PRTFDC1: variants seen among roughly 807,000 people sequenced by gnomAD.
PRTFDC1 encodes phosphoribosyl transferase domain containing 1.
A neutral mutation model predicts 34.6 loss-of-function variants in PRTFDC1; 38 were observed. The observed-to-expected ratio is 1.10, with a 90% CI of 0.85 to 1.44. The LOEUF is 1.44. Among genes scored for constraint, PRTFDC1 ranks in the 40% most tolerant of loss-of-function variants. The pLI, the probability that PRTFDC1 is intolerant of heterozygous loss-of-function variation, is 0.00. For missense variants in PRTFDC1, 270 were observed against 283.0 expected (o/e 0.95, Z 0.33); for synonymous variants, 93 against 98.1 (o/e 0.95, Z 0.31).
chr10:24,851,135 A>C (rs947475907), intron 8 of PRTFDC1, among the ~76,000 whole-genome samples: 1 of 152,210 alleles, frequency 6.6e-6, no homozygotes, highest in Admixed American at 6.5e-5. Context: ...GTGTCAAACC[A>C]TAGTTCTGCT....
chr10:24,932,705 C>A (rs921311745), intron 3 of PRTFDC1, among the ~76,000 whole-genome samples: 1 of 151,916 alleles, frequency 6.6e-6, no homozygotes, highest in East Asian at 1.9e-4. Flanking sequence ...AATGTCAATT[C>A]CCCCCAAATT....
chr10:24,874,147 A>G (rs1263601521), intron 3 of PRTFDC1, among the ~76,000 whole-genome samples: 1 of 151,972 alleles, frequency 6.6e-6, no homozygotes, highest in Non-Finnish European at 1.5e-5. Flanking sequence ...CAGGCAGACA[A>G]GGAGAGAGGC....
chr10:24,886,616 T>G (rs1848168596), intron 3 of PRTFDC1, among the ~76,000 whole-genome samples: 1 of 152,184 alleles, frequency 6.6e-6, no homozygotes, highest in South Asian at 2.1e-4. Context: ...TTTCTTTCTT[T>G]TTTTACCCCC....
At chr10:24,891,037 G>A (rs1045456824) in intron 3 of PRTFDC1, among the ~76,000 whole-genome samples, 3 of 152,204 alleles carry the variant, frequency 2.0e-5, no homozygotes, top group Non-Finnish European at 4.4e-5. Flanking sequence ...GAAATTCTCA[G>A]GAAGGTGGGA....
At chr10:24,904,375 G>T (rs1469781103) in intron 3 of PRTFDC1, among the ~76,000 whole-genome samples, 4 of 152,138 alleles carry the variant, frequency 2.6e-5, no homozygotes, top group Admixed American at 1.3e-4. Context: ...GTGAGGAGCA[G>T]GTCACATTAA....
At chr10:24,924,960 C>T (rs867311017) in intron 3 of PRTFDC1, among the ~76,000 whole-genome samples, 3 of 152,152 alleles carry the variant, frequency 2.0e-5, no homozygotes, top group East Asian at 1.9e-4. Context: ...CCAGGGATCC[C>T]ATTACTGGGT....
chr10:24,942,347 A>G lies in PRTFDC1; in HGVS notation c.138T>C (p.His46=), dbSNP rs759455871. 5 of 1,611,812 alleles carry G rather than the reference A, an allele frequency of 3.1e-6. No homozygotes were observed. Among genetic ancestry groups the G allele is most frequent in the African/African-American group, 1.3e-5 (1 of 75,000 alleles). Residue 46 remains histidine (H), a synonymous_variant, in exon 2 of 9, where the codon CAT becomes CAC. Transcript: ENST00000320152. ...YGDLEYVLIP[H]GIIVDRIERL... is the part of the protein sequence containing the mutation. ...ACACTCACCTGTCCACAATGATACC[A>G]TGAGGGATGAGGACATACTCCAAGT...
chr10:24,881,029 CTATCTCTT>C (rs1309230112), intron 3 of PRTFDC1, among the ~76,000 whole-genome samples: 7 of 129,150 alleles, frequency 5.4e-5, no homozygotes, highest in African/African-American at 1.9e-4. Flanking sequence ...TTCTCTCTCT[CTATCTCTT>C]TCTTTCTTTC....
At chr10:24,860,091 G>T (rs1258299109) in intron 4 of PRTFDC1, among the ~76,000 whole-genome samples, 2 of 152,082 alleles carry the variant, frequency 1.3e-5, no homozygotes, top group Admixed American at 1.3e-4. Flanking sequence ...AATACTTTAA[G>T]AATCATGGCC....
At chr10:24,935,503 C>T (rs1424074847) in intron 3 of PRTFDC1, among the ~76,000 whole-genome samples, 1 of 152,176 alleles carries the variant, frequency 6.6e-6, no homozygotes, top group Non-Finnish European at 1.5e-5. Context: ...TGCTCTAGAA[C>T]TGAGGCAACT....
At chr10:24,931,507 A>T (rs950000531) in intron 3 of PRTFDC1, among the ~76,000 whole-genome samples, 2 of 152,034 alleles carry the variant, frequency 1.3e-5, no homozygotes, top group Non-Finnish European at 2.9e-5. Context: ...AAAAGGAAAG[A>T]GACAGAAGAT....
At chr10:24,905,235 C>T (rs1473357503) in intron 3 of PRTFDC1, among the ~76,000 whole-genome samples, 1 of 151,656 alleles carries the variant, frequency 6.6e-6, no homozygotes, top group African/African-American at 2.4e-5. Flanking sequence ...ATTGCTTGAG[C>T]CTGGGAGATT....
chr10:24,884,700 C>T (rs1210643084), intron 3 of PRTFDC1, among the ~76,000 whole-genome samples: 1 of 152,186 alleles, frequency 6.6e-6, no homozygotes, highest in Non-Finnish European at 1.5e-5. Context: ...CTGCCCTCCT[C>T]TTTGCAGGGT....
At chr10:24,882,204 C>A (rs868336046) in intron 3 of PRTFDC1, among the ~76,000 whole-genome samples, 301 of 107,438 alleles carry the variant, frequency 2.8e-3, no homozygotes, top group South Asian at 5.9e-3. Context: ...GGATCTGCCT[C>A]AAAAAAAAAA....
chr10:24,870,787 G>A (rs1025729057), intron 4 of PRTFDC1, among the ~76,000 whole-genome samples: 2 of 152,078 alleles, frequency 1.3e-5, no homozygotes, highest in Admixed American at 1.3e-4. Flanking sequence ...AGAGTAGAGG[G>A]AAGTGCACTG....
At chr10:24,889,797 G>T (rs1848230631) in intron 3 of PRTFDC1, among the ~76,000 whole-genome samples, 2 of 152,204 alleles carry the variant, frequency 1.3e-5, no homozygotes, top group Non-Finnish European at 2.9e-5. Context: ...GGCAGTGCAG[G>T]CTTGCAAATT....
chr10:24,942,808 C>G (rs917788620), intron 1 of PRTFDC1, among the ~76,000 whole-genome samples: 7 of 152,036 alleles, frequency 4.6e-5, no homozygotes, highest in African/African-American at 7.2e-5. Context: ...CCACTACGCC[C>G]AGATAATTTC....
At chr10:24,908,065 C>T (rs1009556405) in intron 3 of PRTFDC1, among the ~76,000 whole-genome samples, 5 of 152,186 alleles carry the variant, frequency 3.3e-5, no homozygotes, top group Admixed American at 6.5e-5. Context: ...GAGGGCAACA[C>T]TGCTTTCTAG....
chr10:24,918,493 C>T lies in PRTFDC1; in HGVS notation c.339+18691G>A, dbSNP rs116463826. On this transcript the variant is annotated intron_variant, in intron 3 of 8. Transcript: ENST00000320152. ...CAGTACAGTAAGGATTATAGCTCAC[C>T]GCAGTCTTGAATTCCTGGGCTCATG... Among the ~76,000 whole-genome samples the T allele has an allele frequency of 6.6e-4, 101 of 152,078 alleles. 3 individuals carry two copies. In the East Asian group the frequency reaches 0.016, roughly 24 times the overall value.
Sources: gnomAD v4.1 joint callset for allele counts (sites outside exome capture counted in the v4.1 genomes callset) on GRCh38, gnomAD v4.1.1 for gene constraint, MANE v1.5 for transcripts, NCBI Gene and HGNC (gene_info 2026-07-23, HGNC 2026-07-21) for gene names.